IGSF3: variants seen among roughly 807,000 people sequenced by gnomAD.
IGSF3 encodes glu-Trp-Ile EWI motif-containing protein 3.
A neutral mutation model predicts 114.4 loss-of-function variants in IGSF3; 23 were observed. That is an observed-to-expected ratio of 0.20 (90% CI 0.14 to 0.28). The LOEUF (loss-of-function observed/expected upper bound fraction) is 0.28. Ranked by LOEUF, IGSF3 falls within the 10% of genes least tolerant of loss-of-function variation. The pLI, the probability that IGSF3 is intolerant of heterozygous loss-of-function variation, is 1.00. For synonymous variants in IGSF3, 571 were observed against 645.2 expected (o/e 0.88, Z 1.74); for missense variants, 1,172 against 1,591.5 (o/e 0.74, Z 4.48).
Position 116,577,477 on chromosome 1 carries a change from A to T in IGSF3, c.3420T>A (p.Leu1140=). The T allele has an allele frequency of 6.2e-7, 1 of 1,614,150 alleles. No individual in the cohort carries two copies. The highest frequency in any genetic ancestry group is 8.5e-7 in the Non-Finnish European group (1 of 1,180,006). The change falls in exon 11 of 11, where the codon CTT becomes CTA. Residue 1140 remains leucine, a synonymous_variant. Coordinates refer to ENST00000369486, the MANE Select transcript of IGSF3 (RefSeq NM_001007237.3). This position sits in a 1 kb window ranked among gnomAD's most constrained non-coding sequence, Gnocchi z 5.7. ...FFYPFPIFGI[L]IITILLVRFK... ...AACGCACCAGAAGGATGGTGATGAT[A>T]AGAATGCCAAAGATGGGGAAAGGGT...
In IGSF3 at chr1:116,624,080, C is replaced by G. The variant is rs926315054; in HGVS notation, c.44-7623G>C. 5.4e-5 allele frequency among the ~76,000 whole-genome samples: 8 copies of G among 148,680 alleles called. No individual in the cohort carries two copies. ...GTGGGCTGGGCAACAGAGAAAGACTCTATCTAAAAAAAAAACAAAAAAAAG... is the reference window on the plus strand; with the variant it reads ...GTGGGCTGGGCAACAGAGAAAGACTGTATCTAAAAAAAAAACAAAAAAAAG... On this transcript the variant is annotated intron_variant, in intron 2 of 10. Coordinates refer to ENST00000369486, the MANE Select transcript of IGSF3 (RefSeq NM_001007237.3). This position sits in a 1 kb window ranked among gnomAD's most constrained non-coding sequence, Gnocchi z 4.9.
rs1338306595 is a variant in IGSF3, at chr1:116,629,347, C to A, written c.44-12890G>T. Among the ~76,000 whole-genome samples, 1 of 152,178 alleles carries A rather than the reference C, an allele frequency of 6.6e-6. No individual in the cohort carries two copies. Among genetic ancestry groups the A allele is most frequent in the Non-Finnish European group, 1.5e-5 (1 of 68,042 alleles). On this transcript the variant is annotated intron_variant, in intron 2 of 10. Transcript: ENST00000369486. This position sits in a 1 kb window ranked among gnomAD's most constrained non-coding sequence, Gnocchi z 4.3. The stretch of plus-strand genomic sequence containing the variant: ...GGACTGGGCTAGTATATTTAAAAAA[C>A]GCTAAAGGGAGGTGGGGTAATAAGG...
In IGSF3 at chr1:116,665,094, C is replaced by A. The variant is rs554323030; in HGVS notation, c.43+1190G>T. ...CACCTTATATCCTTTAGTTATCACA[C>A]CTTCCCTTGTTTTATTGTTTCTGTT... On this transcript the variant is annotated intron_variant, in intron 2 of 10. Coordinates refer to ENST00000369486, the MANE Select transcript of IGSF3 (RefSeq NM_001007237.3). The surrounding 1 kb of genome is among the most constrained non-coding windows in gnomAD (Gnocchi z 4.0). Among the ~76,000 whole-genome samples, 1 of 152,216 alleles carries A rather than the reference C, an allele frequency of 6.6e-6. No homozygotes were observed. The highest frequency in any genetic ancestry group is 1.5e-5 in the Non-Finnish European group (1 of 68,052).
At chr1:116,621,424 A>G (rs1661411986) in intron 2 of IGSF3, among the ~76,000 whole-genome samples, 2 of 152,310 alleles carry the variant, frequency 1.3e-5, no homozygotes, top group East Asian at 3.9e-4. Flanking sequence ...TGCTTCCCAG[A>G]GTGTAGGGAT....
In IGSF3 at chr1:116,667,721, C is replaced by T. The variant is rs1649409006; in HGVS notation, c.-734G>A. 1 of 151,590 alleles carries T rather than the reference C, an allele frequency of 6.6e-6. No individual in the cohort carries two copies. The highest frequency in any genetic ancestry group is 1.5e-5 in the Non-Finnish European group (1 of 67,878). 9.4% of individuals were successfully genotyped at this position (151,590 alleles called of 1,614,324 possible). The stretch of plus-strand genomic sequence containing the variant: ...GCTTCCTCTTCTCCCGCAACGGCAC[C>T]AGCAGCCGCGCTGCGGCCCCTCCCG... On this transcript the variant is annotated 5_prime_UTR_variant, in exon 1 of 11. Transcript: ENST00000369486.
chr1:116,587,540 C>T (rs75685417), intron 8 of IGSF3, among the ~76,000 whole-genome samples: 1,627 of 152,264 alleles, frequency 0.011, 30 homozygotes, highest in African/African-American at 0.037. Flanking sequence ...CCTTATTCAA[C>T]CAATATTTAC....
At chr1:116,599,283 T>C (rs1571139663) in intron 7 of IGSF3, among the ~76,000 whole-genome samples, 1 of 152,282 alleles carries the variant, frequency 6.6e-6, no homozygotes, top group East Asian at 1.9e-4. Flanking sequence ...CACTTCCACA[T>C]AATTGTATGA....
Position 116,600,393 on chromosome 1 carries a change from T to G in IGSF3, c.1625-48A>C, listed in dbSNP as rs370822548. The G allele has an allele frequency of 5.9e-6, 9 of 1,516,606 alleles. No homozygotes were observed. The African/African-American group carries it at 8.6e-5, about 15-fold the overall frequency. 93.9% of individuals were successfully genotyped at this position (1,516,606 alleles called of 1,614,324 possible). On this transcript the variant is annotated intron_variant, in intron 6 of 10. Coordinates refer to ENST00000369486, the MANE Select transcript of IGSF3 (RefSeq NM_001007237.3). This position sits in a 1 kb window ranked among gnomAD's most constrained non-coding sequence, Gnocchi z 5.5. ...CAACCAGAGGAGGCATGTGGCTTTC[T>G]CAGGGCAGTATGACATCAGCAATGG...
rs75783834 is a variant in IGSF3 at position 116,589,810 on chromosome 1, T to A, written c.2030-706A>T. Among the ~76,000 whole-genome samples, 23 of 152,286 alleles carry A rather than the reference T, an allele frequency of 1.5e-4. No homozygotes were observed. The East Asian group carries it at 4.5e-3, about 29-fold the overall frequency. Reference sequence around the variant, plus strand: ...ACTCCTTCCACTCAATCAGCCAGTATTTACGGAGTGCCCACTCGGTTTCCC... The same window carrying A: ...ACTCCTTCCACTCAATCAGCCAGTAATTACGGAGTGCCCACTCGGTTTCCC... On this transcript the variant is annotated intron_variant, in intron 7 of 10. Transcript: ENST00000369486. The surrounding 1 kb of genome is among the most constrained non-coding windows in gnomAD (Gnocchi z 5.7).
chr1:116,589,622 C>T lies in IGSF3; in HGVS notation c.2030-518G>A, dbSNP rs573763007. Among the ~76,000 whole-genome samples, 25 of 152,234 alleles carry T rather than the reference C, an allele frequency of 1.6e-4. No individual in the cohort carries two copies. Among genetic ancestry groups the T allele is most frequent in the African/African-American group, 5.5e-4 (23 of 41,554 alleles). On this transcript the variant is annotated intron_variant, in intron 7 of 10. Transcript: ENST00000369486. The surrounding 1 kb of genome is among the most constrained non-coding windows in gnomAD (Gnocchi z 5.7). The stretch of plus-strand genomic sequence containing the variant: ...CCTTGCTGTCCTCTCTGCCTGTCTC[C>T]TTCTGCCACCTCCCACCCTGACCCT...
At position 116,636,916 on chromosome 1, in the gene IGSF3, T is replaced by C. The variant is rs574917743; in HGVS notation, c.44-20459A>G. Reference sequence around the variant, plus strand: ...GAGCAGATGGGACTGCAATTCACACTATTAACTCAAATTCTACTTGACATT... The same window carrying C: ...GAGCAGATGGGACTGCAATTCACACCATTAACTCAAATTCTACTTGACATT... On this transcript the variant is annotated intron_variant, in intron 2 of 10. Transcript: ENST00000369486. The surrounding 1 kb of genome is among the most constrained non-coding windows in gnomAD (Gnocchi z 4.5). Among the ~76,000 whole-genome samples, 7 of 152,342 alleles carry C rather than the reference T, an allele frequency of 4.6e-5. No homozygotes were observed. Among genetic ancestry groups the C allele is most frequent in the African/African-American group, 1.7e-4 (7 of 41,580 alleles).
chr1:116,610,679 CTG>C lies in IGSF3; in HGVS notation c.833-2350_833-2349del, dbSNP rs1376949537. On this transcript the variant is annotated intron_variant, in intron 4 of 10. Transcript: ENST00000369486. The surrounding 1 kb of genome is among the most constrained non-coding windows in gnomAD (Gnocchi z 4.3). ...TCTTCTTCTTGCTGGCCTGCCCACT[CTG>C]TTCCACTCTCTCACCTGCTTCTCTG... Among the ~76,000 whole-genome samples, 1 of 152,178 alleles carries C rather than the reference CTG, an allele frequency of 6.6e-6. No individual in the cohort carries two copies. The highest frequency in any genetic ancestry group is 1.5e-5 in the Non-Finnish European group (1 of 68,044).
chr1:116,647,072 T>C lies in IGSF3; in HGVS notation c.43+19212A>G, dbSNP rs550732470. ...TGGAACTGGCAGAGAGAGGCACTGG[T>C]GCAGATGGAGAGGGCAGCAATAAAA... On this transcript the variant is annotated intron_variant, in intron 2 of 10. Coordinates refer to ENST00000369486, the MANE Select transcript of IGSF3 (RefSeq NM_001007237.3). The surrounding 1 kb of genome is among the most constrained non-coding windows in gnomAD (Gnocchi z 4.6). The C allele has an allele frequency of 6.5e-6, 1 of 152,736 alleles. No individual in the cohort carries two copies. The highest frequency in any genetic ancestry group is 2.1e-4 in the South Asian group (1 of 4,828). The allele number at this position is 152,736 out of a possible 1,614,324, so 9.5% of individuals were successfully genotyped here.
At chr1:116,601,859 C>T (rs1651012225) in intron 6 of IGSF3, among the ~76,000 whole-genome samples, 1 of 150,712 alleles carries the variant, frequency 6.6e-6, no homozygotes, top group Non-Finnish European at 1.5e-5. Flanking sequence ...ACAGGACCCA[C>T]ACCAGGTGCT....
intron 9 of IGSF3, among the ~76,000 whole-genome samples, chr1:116,580,811 T>A (rs1025273203): frequency 2.0e-5 from 3 of 152,166 alleles, no homozygotes; most frequent in Non-Finnish European, 4.4e-5. Context: ...AGTGGCCATA[T>A]GATGATGGAG....
At position 116,589,323 on chromosome 1, in the gene IGSF3, T is replaced by G. The variant is rs1377721692; in HGVS notation, c.2030-219A>C. ...GCCTGGCTTAGGCCTTCACCATCTC[T>G]CCCCTATCCACTGCCTGCACAGCCC... On this transcript the variant is annotated intron_variant, in intron 7 of 10. Coordinates refer to ENST00000369486, the MANE Select transcript of IGSF3 (RefSeq NM_001007237.3). This position sits in a 1 kb window ranked among gnomAD's most constrained non-coding sequence, Gnocchi z 5.7. 6.6e-6 allele frequency among the ~76,000 whole-genome samples: 1 copy of G among 151,912 alleles called. No homozygotes were observed. Among genetic ancestry groups the G allele is most frequent in the East Asian group, 1.9e-4 (1 of 5,154 alleles).
Position 116,615,536 on chromosome 1 carries a change from C to T in IGSF3, c.421+544G>A, listed in dbSNP as rs1661183253. The stretch of plus-strand genomic sequence containing the variant: ...TGCCCACAATGGAAGCTCCTGCATC[C>T]CTCTTCCTCATGTTTCCTTCAGCAT... On this transcript the variant is annotated intron_variant, in intron 3 of 10. Coordinates refer to ENST00000369486, the MANE Select transcript of IGSF3 (RefSeq NM_001007237.3). This position sits in a 1 kb window ranked among gnomAD's most constrained non-coding sequence, Gnocchi z 4.3. 1.3e-5 allele frequency among the ~76,000 whole-genome samples: 2 copies of T among 152,178 alleles called. No homozygotes were observed. The highest frequency in any genetic ancestry group is 2.9e-5 in the Non-Finnish European group (2 of 68,026).
Position 116,661,600 on chromosome 1 carries a change from G to A in IGSF3, c.43+4684C>T, listed in dbSNP as rs1271782579. On this transcript the variant is annotated intron_variant, in intron 2 of 10. Transcript: ENST00000369486. The surrounding 1 kb of genome is among the most constrained non-coding windows in gnomAD (Gnocchi z 4.0). ...TAGAAGCCAGAGGCTCGGCTTCAGA[G>A]TCAAACGGAATAGCTTATTAGATGT... 6.6e-6 allele frequency among the ~76,000 whole-genome samples: 1 copy of A among 151,906 alleles called. No homozygotes were observed. Among genetic ancestry groups the A allele is most frequent in the Admixed American group, 6.5e-5 (1 of 15,272 alleles).
chr1:116,607,916 A>G lies in IGSF3; in HGVS notation c.1222+26T>C. The stretch of plus-strand genomic sequence containing the variant: ...CTAAATGATGCTGAGCCAAAGGAGA[A>G]GAAAGCAGCACATCTCTCTACTTAC... On this transcript the variant is annotated intron_variant, in intron 5 of 10. Coordinates refer to ENST00000369486, the MANE Select transcript of IGSF3 (RefSeq NM_001007237.3). This position sits in a 1 kb window ranked among gnomAD's most constrained non-coding sequence, Gnocchi z 6.1. 1 of 1,607,618 alleles carries G rather than the reference A, an allele frequency of 6.2e-7. No homozygotes were observed. The highest frequency in any genetic ancestry group is 1.3e-5 in the African/African-American group (1 of 74,932).
Sources: allele counts gnomAD v4.1 joint callset (sites outside exome capture counted in the v4.1 genomes callset), GRCh38; gene constraint gnomAD v4.1.1; non-coding constraint Gnocchi (gnomAD v3.1); transcripts MANE v1.5; gene names NCBI Gene and HGNC (gene_info 2026-07-23, HGNC 2026-07-21).